KLHL15: variants seen among roughly 807,000 people sequenced by gnomAD.
KLHL15 encodes the protein kelch like family member 15.
In KLHL15, 1 loss-of-function variant was observed where a neutral mutation model predicts 29.3. The ratio of observed to expected loss-of-function variants is 0.03; its 90% CI spans 0.01 to 0.16. KLHL15 has a LOEUF of 0.16. Ranked by LOEUF, KLHL15 falls within the 10% of genes least tolerant of loss-of-function variation. The pLI is 1.00. For missense variants in KLHL15, 215 were observed against 478.5 expected, an observed-to-expected ratio of 0.45 and a Z score of 5.14; for synonymous variants, 212 against 184.5, an observed-to-expected ratio of 1.15 and a Z score of -1.21.
intron 3 of KLHL15, among the ~76,000 whole-genome samples, chrX:24,003,159 G>A (rs1929364883): frequency 8.9e-6 from 1 of 111,992 alleles, no homozygotes; most frequent in Non-Finnish European, 1.9e-5. Flanking sequence ...GGAAGCAGCT[G>A]CCCTGGCTTT....
chrX:24,020,927 AAT>A (rs72384910), intron 2 of KLHL15, among the ~76,000 whole-genome samples: 19,523 of 111,192 alleles, frequency 0.18, 1,452 homozygotes, highest in South Asian at 0.51. Flanking sequence ...ATTAGTCTAT[AAT>A]ATATATCATT....
chrX:24,021,878 G>C (rs1200459667), intron 2 of KLHL15, among the ~76,000 whole-genome samples: 1 of 109,687 alleles, frequency 9.1e-6, no homozygotes, highest in East Asian at 2.9e-4. Context: ...AGAGAAAATA[G>C]ATGCTAATAA....
chrX:23,990,936 CA>C (rs1929070742), intron 3 of KLHL15, among the ~76,000 whole-genome samples: 1 of 111,347 alleles, frequency 9.0e-6, no homozygotes, highest in African/African-American at 3.3e-5. Context: ...TTTGTAATGT[CA>C]GGCATTTTAT....
chrX:24,024,560 C>T (rs961649835), intron 2 of KLHL15, among the ~76,000 whole-genome samples: 1 of 112,156 alleles, frequency 8.9e-6, no homozygotes, highest in South Asian at 3.6e-4. Flanking sequence ...CTATTTCAGG[C>T]ATAAATTGAA....
At chrX:24,008,952 T>C (rs1000356201) in intron 2 of KLHL15, among the ~76,000 whole-genome samples, 1 of 111,235 alleles carries the variant, frequency 9.0e-6, no homozygotes, top group African/African-American at 3.3e-5. Flanking sequence ...TAGCTTTCTA[T>C]TGTTCTTTTT....
At chrX:24,026,936 C>T (rs1929944583) in intron 1 of KLHL15, among the ~76,000 whole-genome samples, 1 of 112,220 alleles carries the variant, frequency 8.9e-6, no homozygotes, top group Non-Finnish European at 1.9e-5. Context: ...ATATTTGTAT[C>T]TATTACTACA....
At chrX:24,024,672 G>A (rs762202701) in intron 2 of KLHL15, among the ~76,000 whole-genome samples, 185 bp downstream of exon 2, 25 of 112,623 alleles carry the variant, frequency 2.2e-4, no homozygotes, top group Non-Finnish European at 3.9e-4. Context: ...TTTCTTTCTC[G>A]CTCTCTCTGG....
At chrX:24,023,726 C>T (rs1252757776) in intron 2 of KLHL15, among the ~76,000 whole-genome samples, 1 of 112,096 alleles carries the variant, frequency 8.9e-6, no homozygotes, top group Non-Finnish European at 1.9e-5. Flanking sequence ...CATCCTCTAC[C>T]ACTGATAAAC....
At chrX:24,021,202 A>G (rs1435684493) in intron 2 of KLHL15, among the ~76,000 whole-genome samples, 1 of 111,521 alleles carries the variant, frequency 9.0e-6, no homozygotes, top group East Asian at 2.8e-4. Context: ...GATTCTTAAA[A>G]TGGCAATAAT....
In KLHL15 at chrX:23,987,360, A is replaced by T. The variant is rs1929005207; in HGVS notation, c.*561T>A. The stretch of plus-strand genomic sequence containing the variant: ...AGTATGAATATGCTTTCACTAACAC[A>T]ATGCGGATAAGAGAAGGCAGCTTAG... On this transcript the variant is annotated 3_prime_UTR_variant, in exon 4 of 4. Coordinates refer to ENST00000328046, the MANE Select transcript of KLHL15 (RefSeq NM_030624.3). 8.9e-6 allele frequency: 1 copy of T among 112,601 alleles called. No individual in the cohort carries two copies. The highest frequency in any genetic ancestry group is 9.5e-5 in the Admixed American group (1 of 10,560). The allele number at this position is 112,601 out of a possible 1,213,427, so 9.3% of individuals were successfully genotyped here.
intron 2 of KLHL15, among the ~76,000 whole-genome samples, chrX:24,016,144 C>T (rs1171739602): frequency 9.4e-6 from 1 of 106,764 alleles, no homozygotes; most frequent in Non-Finnish European, 1.9e-5. Context: ...GTCAGGAGAT[C>T]GAGACCATCC....
At chrX:24,010,667 C>T (rs1204193007) in intron 2 of KLHL15, among the ~76,000 whole-genome samples, 3 of 112,016 alleles carry the variant, frequency 2.7e-5, no homozygotes, top group African/African-American at 9.7e-5. Flanking sequence ...TGGCAGCCAA[C>T]ATCTACGGCT....
chrX:24,006,616 C>T lies in KLHL15; in HGVS notation c.78G>A (p.Glu26=). 8.3e-7 allele frequency: 1 copy of T among 1,211,262 alleles called. No homozygotes were observed. Among genetic ancestry groups the T allele is most frequent in the Admixed American group, 2.2e-5 (1 of 45,931 alleles). Reference sequence around the variant, plus strand: ...GAGTGACATCAAGAAGCAATCCCTCCTCATACAGTGCTCTGAACCCAGCAG... The same window carrying T: ...GAGTGACATCAAGAAGCAATCCCTCTTCATACAGTGCTCTGAACCCAGCAG... ...SVSAGFRALY[E]EGLLLDVTLV... The change falls in exon 3 of 4, where the codon GAG becomes GAA. Residue 26 remains glutamate (E), a synonymous_variant. Coordinates refer to ENST00000328046, the MANE Select transcript of KLHL15 (RefSeq NM_030624.3).
chrX:24,009,913 C>A (rs12687713), intron 2 of KLHL15, among the ~76,000 whole-genome samples: 1 of 101,919 alleles, frequency 9.8e-6, no homozygotes, highest in Non-Finnish European at 2.0e-5. Context: ...TCGCTGGAAC[C>A]TGGGAGACGG....
intron 2 of KLHL15, among the ~76,000 whole-genome samples, chrX:24,018,977 C>T (rs942412800): frequency 1.8e-5 from 2 of 111,236 alleles, no homozygotes; most frequent in Non-Finnish European, 3.8e-5. Flanking sequence ...CCAGCCAGGG[C>T]GACAGAGCAA....
At chrX:24,017,826 A>C (rs1929721547) in intron 2 of KLHL15, among the ~76,000 whole-genome samples, 1 of 109,545 alleles carries the variant, frequency 9.1e-6, no homozygotes, top group Non-Finnish European at 1.9e-5. Flanking sequence ...TAATTCTTTA[A>C]CTGGTTACAG....
intron 2 of KLHL15, among the ~76,000 whole-genome samples, chrX:24,017,632 T>C (rs1929715055): frequency 9.2e-6 from 1 of 108,362 alleles, no homozygotes; most frequent in African/African-American, 3.4e-5. Context: ...AACATAAAAA[T>C]TAGTCAGACG....
chrX:24,012,339 T>C (rs1929592489), intron 2 of KLHL15, among the ~76,000 whole-genome samples: 2 of 111,727 alleles, frequency 1.8e-5, no homozygotes, highest in African/African-American at 6.5e-5. Flanking sequence ...CTAGTCCCCA[T>C]TTCCCTGGAT....
intron 3 of KLHL15, among the ~76,000 whole-genome samples, chrX:23,998,936 G>A (rs1335031290): frequency 2.7e-5 from 3 of 109,989 alleles, no homozygotes; most frequent in East Asian, 2.9e-4. Flanking sequence ...ACGGAGTTTC[G>A]CTCTTGCTGC....
Sources: allele counts gnomAD v4.1 joint callset (sites outside exome capture counted in the v4.1 genomes callset), GRCh38; gene constraint gnomAD v4.1.1; transcripts MANE v1.5; gene names NCBI Gene and HGNC (gene_info 2026-07-23, HGNC 2026-07-21).